SUMF1: variants seen among roughly 807,000 people sequenced by gnomAD.
The protein encoded by SUMF1 is sulfatase modifying factor 1.
Under a neutral mutation model 47.6 loss-of-function variants are expected in SUMF1, and 48 were observed. That is an observed-to-expected ratio of 1.01 (90% confidence interval 0.80 to 1.28). The LOEUF (loss-of-function observed/expected upper bound fraction) is 1.28. SUMF1 is among the 50% of genes most tolerant of loss of function. The pLI is 0.00. For missense variants in SUMF1, 571 were observed against 485.4 expected, an observed-to-expected ratio of 1.18 and a Z score of -1.66; for synonymous variants, 230 against 192.1, an observed-to-expected ratio of 1.20 and a Z score of -1.63.
chr3:4,183,765 A>G (rs534094467), intron 8 of SUMF1, among the ~76,000 whole-genome samples: 1 of 152,316 alleles, frequency 6.6e-6, no homozygotes, highest in Admixed American at 6.5e-5. Context: ...AACCAATGGA[A>G]GGTGGCTAAA....
intron 8 of SUMF1, among the ~76,000 whole-genome samples, chr3:4,299,914 G>A (rs1197967016): frequency 6.6e-6 from 1 of 152,188 alleles, no homozygotes; most frequent in Admixed American, 6.5e-5. Context: ...TATAAATTTA[G>A]TCATGGCTGA....
intron 8 of SUMF1, among the ~76,000 whole-genome samples, chr3:4,169,504 A>T (rs1248732556): frequency 6.6e-6 from 1 of 152,196 alleles, no homozygotes; most frequent in Non-Finnish European, 1.5e-5. Context: ...CCAGAATCCC[A>T]GAGAGGAAAA....
intron 8 of SUMF1, among the ~76,000 whole-genome samples, chr3:4,092,282 T>G (rs1692804696): frequency 6.6e-6 from 1 of 152,104 alleles, no homozygotes; most frequent in Non-Finnish European, 1.5e-5. Flanking sequence ...AGCACAGGAC[T>G]TGAAATCACC....
chr3:4,367,017 G>A (rs1291258077), intron 8 of SUMF1, among the ~76,000 whole-genome samples: 2 of 152,202 alleles, frequency 1.3e-5, no homozygotes, highest in Non-Finnish European at 2.9e-5. Flanking sequence ...CAGCGGCGGT[G>A]GCTGCAGAAC....
At chr3:4,346,592 G>A (rs941256684) in intron 8 of SUMF1, among the ~76,000 whole-genome samples, 2 of 151,888 alleles carry the variant, frequency 1.3e-5, no homozygotes, top group Non-Finnish European at 2.9e-5. Flanking sequence ...ATCTCAAATC[G>A]ATACCCTAAC....
rs923058149 is a variant in SUMF1 at position 4,436,712 on chromosome 3, T to C, written c.519+12554A>G. Among the ~76,000 whole-genome samples, 6 of 151,874 alleles carry C rather than the reference T, an allele frequency of 4.0e-5. 1 individual carries two copies. The highest frequency in any genetic ancestry group is 2.6e-4 in the Admixed American group (4 of 15,270). ...CTATTAACTGTAGCTCCACAAACAC[T>C]TGCAGAACTCATGAAGGAGATTAAC... is the stretch of plus-strand genomic sequence containing the variant. On this transcript the variant is annotated intron_variant, in intron 3 of 8. Transcript: ENST00000272902.
intron 8 of SUMF1, among the ~76,000 whole-genome samples, chr3:4,260,541 C>T (rs1023246156): frequency 1.3e-5 from 2 of 152,164 alleles, no homozygotes; most frequent in African/African-American, 2.4e-5. Context: ...TTGGGATAAA[C>T]CTGGGCATAA....
At chr3:4,304,859 A>T (rs947620816) in intron 8 of SUMF1, among the ~76,000 whole-genome samples, 1 of 151,768 alleles carries the variant, frequency 6.6e-6, no homozygotes. Context: ...CATGTGTCCC[A>T]GGTGGTTAGG....
chr3:4,305,195 T>C (rs1165339954), intron 8 of SUMF1, among the ~76,000 whole-genome samples: 1 of 152,020 alleles, frequency 6.6e-6, no homozygotes, highest in Non-Finnish European at 1.5e-5. Context: ...AAGCGATTCT[T>C]CCACCTCAGC....
At chr3:4,103,468 T>A (rs898845623) in intron 8 of SUMF1, among the ~76,000 whole-genome samples, 4 of 151,960 alleles carry the variant, frequency 2.6e-5, no homozygotes, top group Non-Finnish European at 4.4e-5. Context: ...TTTTTTTTGC[T>A]GGAACATGAA....
chr3:4,422,492 TAA>T (rs776813048), intron 3 of SUMF1, among the ~76,000 whole-genome samples: 4 of 143,666 alleles, frequency 2.8e-5, no homozygotes, highest in Admixed American at 6.9e-5. Context: ...ATTAGTGATT[TAA>T]AAAAAAAAAA....
intron 8 of SUMF1, among the ~76,000 whole-genome samples, chr3:4,092,083 A>G (rs1692801273): frequency 6.6e-6 from 1 of 152,036 alleles, no homozygotes; most frequent in Non-Finnish European, 1.5e-5. Flanking sequence ...ACTTGGCCTG[A>G]TGTATTATTG....
At chr3:4,091,562 A>G (rs55868362) in intron 8 of SUMF1, among the ~76,000 whole-genome samples, 22,808 of 152,058 alleles carry the variant, frequency 0.15, 3,683 homozygotes, top group African/African-American at 0.39. Context: ...AGGTTGTCAC[A>G]CTGTTGACAA....
chr3:4,139,119 T>G (rs963249398), intron 8 of SUMF1, among the ~76,000 whole-genome samples: 1 of 152,124 alleles, frequency 6.6e-6, no homozygotes, highest in Non-Finnish European at 1.5e-5. Context: ...AAACATAAAA[T>G]TTTATTGTAT....
chr3:4,405,073 G>A (rs1230479410), intron 7 of SUMF1, among the ~76,000 whole-genome samples: 1 of 152,168 alleles, frequency 6.6e-6, no homozygotes, highest in African/African-American at 2.4e-5. Context: ...GAGACACAGT[G>A]GTGGGAGGCC....
At chr3:4,207,981 G>A (rs1388161338) in intron 8 of SUMF1, among the ~76,000 whole-genome samples, 1 of 152,144 alleles carries the variant, frequency 6.6e-6, no homozygotes, top group East Asian at 1.9e-4. Context: ...TCTACCTGCA[G>A]GAGCTCTACA....
chr3:4,150,124 G>GGTTT (rs199928295), intron 8 of SUMF1, among the ~76,000 whole-genome samples: 7 of 65,600 alleles, frequency 1.1e-4, no homozygotes, highest in Non-Finnish European at 2.1e-4. Context: ...CAGGGGTCAA[G>GGTTT]GTCTGTGTCT....
intron 8 of SUMF1, among the ~76,000 whole-genome samples, chr3:4,160,682 ATC>A (rs1358436845): frequency 6.6e-6 from 1 of 151,466 alleles, no homozygotes; most frequent in Non-Finnish European, 1.5e-5. Flanking sequence ...CACTATTTCC[ATC>A]TCTTTGTTAA....
At chr3:4,057,614 C>T (rs1167837427) in intron 9 of SUMF1, among the ~76,000 whole-genome samples, 2 of 152,078 alleles carry the variant, frequency 1.3e-5, no homozygotes, top group African/African-American at 2.4e-5. Flanking sequence ...TGCCCTGTGC[C>T]TCCCAGAGTT....
Sources: gnomAD v4.1 joint callset for allele counts (sites outside exome capture counted in the v4.1 genomes callset) on GRCh38, gnomAD v4.1.1 for gene constraint, MANE v1.5 for transcripts, NCBI Gene and HGNC (gene_info 2026-07-23, HGNC 2026-07-21) for gene names.